Variants in FBN2 observed in about 807,000 individuals in gnomAD.
FBN2 encodes the protein fibrillin 2.
Under a neutral mutation model 355.6 loss-of-function variants are expected in FBN2, and 105 were observed. The observed-to-expected ratio is 0.30, with a 90% CI of 0.25 to 0.35. The LOEUF (loss-of-function observed/expected upper bound fraction) is 0.35. FBN2 is among the 10% of genes least tolerant of loss of function. The pLI, the probability that FBN2 is intolerant of heterozygous loss-of-function variation, is 1.00. For missense variants in FBN2, 3,280 were observed against 3,758.7 expected, an observed-to-expected ratio of 0.87 and a Z score of 3.33; for synonymous variants, 1,350 against 1,301.2, an observed-to-expected ratio of 1.04 and a Z score of -0.81.
At chr5:128,410,561 T>G (rs1753036324) in intron 7 of FBN2, among the ~76,000 whole-genome samples, 2 of 152,218 alleles carry the variant, frequency 1.3e-5, no homozygotes, top group African/African-American at 4.8e-5. Flanking sequence ...GAGACTCAAC[T>G]TTTTCATTTA....
At position 128,447,213 on chromosome 5, in the gene FBN2, G is replaced by A. The variant is rs566974325; in HGVS notation, c.827-607C>T. Among the ~76,000 whole-genome samples the A allele has an allele frequency of 2.6e-5, 4 of 152,282 alleles. No individual in the cohort carries two copies. In the South Asian group the frequency reaches 6.2e-4, roughly 24 times the overall value. On this transcript the variant is annotated intron_variant, in intron 6 of 64. Coordinates refer to ENST00000262464, the MANE Select transcript of FBN2 (RefSeq NM_001999.4). Reference sequence around the variant, plus strand: ...CTTGAAAAAAGAACAGGATAACAGCGATGTTCAGGGAATAAGGGAGATAAC... The same window carrying A: ...CTTGAAAAAAGAACAGGATAACAGCAATGTTCAGGGAATAAGGGAGATAAC...
intron 5 of FBN2, among the ~76,000 whole-genome samples, chr5:128,502,973 T>C (rs1455545013): frequency 6.6e-6 from 1 of 152,224 alleles, no homozygotes; most frequent in Non-Finnish European, 1.5e-5. Flanking sequence ...CTAGTTACAT[T>C]TCCTGACTTC....
intron 6 of FBN2, 32 bp downstream of exon 6, chr5:128,464,692 C>A (rs28763956): frequency 5.0e-6 from 8 of 1,606,248 alleles, no homozygotes; most frequent in South Asian, 1.1e-5. Context: ...GGCAGGTCTG[C>A]GATGGTGTGC....
At chr5:128,346,708 G>T (rs544622345) in intron 23 of FBN2, among the ~76,000 whole-genome samples, 27 of 152,210 alleles carry the variant, frequency 1.8e-4, no homozygotes, top group African/African-American at 6.3e-4. Flanking sequence ...GGAGACTGAG[G>T]CAGCTGGATC....
At chr5:128,299,981 T>C (rs568835815) in intron 48 of FBN2, among the ~76,000 whole-genome samples, 3 of 152,368 alleles carry the variant, frequency 2.0e-5, no homozygotes, top group Non-Finnish European at 2.9e-5. Context: ...GGGATACCCA[T>C]GGTATCTAAT....
intron 7 of FBN2, among the ~76,000 whole-genome samples, chr5:128,443,297 AGACCAGTAGC>A (rs1753971227): frequency 6.6e-6 from 1 of 152,248 alleles, no homozygotes; most frequent in African/African-American, 2.4e-5. Flanking sequence ...CCTTTGAGGA[AGACCAGTAGC>A]TTCTTTCCAA....
chr5:128,305,841 G>A lies in FBN2; in HGVS notation c.5530C>T (p.Leu1844=), dbSNP rs1749856659. Residue 1844 remains leucine, a synonymous_variant, in exon 43 of 65, where the codon CTG becomes TTG. Coordinates refer to ENST00000262464, the MANE Select transcript of FBN2 (RefSeq NM_001999.4). ...AGATTACCTTCACAAACCAACAGCA[G>A]GTCATTGTAACTGAATCCTGTAGGG... ...ECPTGFSYND[L]LLVCEDIDEC... 4 of 1,613,950 alleles carry A rather than the reference G, an allele frequency of 2.5e-6. No homozygotes were observed. The highest frequency in any genetic ancestry group is 2.5e-6 in the Non-Finnish European group (3 of 1,179,948).
At chr5:128,421,001 C>T (rs1361628661) in intron 7 of FBN2, among the ~76,000 whole-genome samples, 1 of 152,066 alleles carries the variant, frequency 6.6e-6, no homozygotes, top group African/African-American at 2.4e-5. Context: ...CTTTGGCATG[C>T]AAGGAAGACA....
At chr5:128,321,832 G>C (rs1175119897) in intron 34 of FBN2, among the ~76,000 whole-genome samples, 1 of 152,124 alleles carries the variant, frequency 6.6e-6, no homozygotes, top group Non-Finnish European at 1.5e-5. Context: ...TGGGTCAAAT[G>C]GTATTTCTGG....
At chr5:128,281,837 C>T (rs988510966) in intron 55 of FBN2, among the ~76,000 whole-genome samples, 1 of 152,108 alleles carries the variant, frequency 6.6e-6, no homozygotes, top group Non-Finnish European at 1.5e-5. Context: ...AGGCGCCCGC[C>T]ACCACGCCCA....
chr5:128,353,727 C>T (rs1751428380), intron 20 of FBN2, among the ~76,000 whole-genome samples: 1 of 152,152 alleles, frequency 6.6e-6, no homozygotes, highest in Non-Finnish European at 1.5e-5. Context: ...TAAAACAACC[C>T]TGTGAATTAT....
chr5:128,415,752 T>C (rs1344754153), intron 7 of FBN2, among the ~76,000 whole-genome samples: 1 of 152,178 alleles, frequency 6.6e-6, no homozygotes, highest in Non-Finnish European at 1.5e-5. Context: ...GCAGTTTTAT[T>C]TGTAATTTTT....
chr5:128,513,698 T>C (rs190227737), intron 5 of FBN2, among the ~76,000 whole-genome samples: 4 of 152,334 alleles, frequency 2.6e-5, no homozygotes, highest in Admixed American at 1.3e-4. Context: ...AGTGAATTGA[T>C]TTTTCTCCCT....
chr5:128,418,107 T>C (rs1430567542), intron 7 of FBN2, among the ~76,000 whole-genome samples: 4 of 152,276 alleles, frequency 2.6e-5, no homozygotes, highest in East Asian at 3.9e-4. Flanking sequence ...TCCAGTTTTT[T>C]AGTTATACCT....
chr5:128,499,649 T>C (rs1282110436), intron 5 of FBN2, among the ~76,000 whole-genome samples: 1 of 152,230 alleles, frequency 6.6e-6, no homozygotes, highest in South Asian at 2.1e-4. Context: ...GTGATTCTTA[T>C]GACCAAGCAA....
In FBN2 at chr5:128,305,890, C is replaced by T. The variant is rs369319562; in HGVS notation, c.5481G>A (p.Gln1827=). The change falls in exon 43 of 65, where the codon CAG becomes CAA. Residue 1827 remains glutamine, a synonymous_variant. Coordinates refer to ENST00000262464, the MANE Select transcript of FBN2 (RefSeq NM_001999.4). ...GGCATTCACAGCGGAAACTGCCAAT[C>T]TGGTTAATGCACACACCATTTGCAC... is the stretch of plus-strand genomic sequence containing the variant. The part of the protein sequence containing the change: ...GICANGVCIN[Q]IGSFRCECPT... The T allele has an allele frequency of 6.2e-7, 1 of 1,613,806 alleles. No individual in the cohort carries two copies. Among genetic ancestry groups the T allele is most frequent in the Admixed American group, 1.7e-5 (1 of 60,008 alleles).
At chr5:128,519,666 T>A (rs1756377699) in intron 4 of FBN2, among the ~76,000 whole-genome samples, 1 of 152,048 alleles carries the variant, frequency 6.6e-6, no homozygotes, top group Non-Finnish European at 1.5e-5. Flanking sequence ...GCTCTCATGC[T>A]CATTTAGAAT....
At chr5:128,356,283 A>G (rs1751502115) in intron 20 of FBN2, among the ~76,000 whole-genome samples, 1 of 152,188 alleles carries the variant, frequency 6.6e-6, no homozygotes, top group Non-Finnish European at 1.5e-5. Flanking sequence ...GTTTCCAAAG[A>G]GAAGGTTTTC....
intron 5 of FBN2, among the ~76,000 whole-genome samples, chr5:128,487,051 A>G (rs1359698083): frequency 6.6e-6 from 1 of 152,206 alleles, no homozygotes; most frequent in Non-Finnish European, 1.5e-5. Context: ...GCACATAGAA[A>G]AATGTACGTA....
Sources: allele counts gnomAD v4.1 joint callset (sites outside exome capture counted in the v4.1 genomes callset), GRCh38; gene constraint gnomAD v4.1.1; transcripts MANE v1.5; gene names NCBI Gene and HGNC (gene_info 2026-07-23, HGNC 2026-07-21).